Variants in CTNNA2 observed in about 807,000 individuals in gnomAD.
The protein encoded by CTNNA2 is catenin alpha-2.
Under a neutral mutation model 101.0 loss-of-function variants are expected in CTNNA2, and 42 were observed. The observed-to-expected ratio is 0.42, with a 90% CI of 0.32 to 0.54. CTNNA2 has a LOEUF of 0.54. Among genes scored for constraint, CTNNA2 ranks in the 20% least tolerant of loss-of-function variants. The probability of loss-of-function intolerance (pLI) is 0.14; values close to 1 mark genes in which losing one functional copy is unlikely to be tolerated. For synonymous variants in CTNNA2, 450 were observed against 456.4 expected (o/e 0.99, Z 0.18); for missense variants, 871 against 1,223.1 (o/e 0.71, Z 4.29).
chr2:80,074,919 G>A (rs1228271933), intron 7 of CTNNA2, among the ~76,000 whole-genome samples: 1 of 152,148 alleles, frequency 6.6e-6, no homozygotes, highest in Non-Finnish European at 1.5e-5. Flanking sequence ...TTCAAAATCT[G>A]TGCTACTTCT....
At chr2:79,274,189 G>T (rs986864119) in intron 2 of CTNNA2, among the ~76,000 whole-genome samples, 4 of 152,000 alleles carry the variant, frequency 2.6e-5, no homozygotes, top group African/African-American at 9.7e-5. Context: ...AATGGTTTAT[G>T]TTCTCAATCA....
chr2:80,214,268 G>A (rs1402192174), intron 7 of CTNNA2, among the ~76,000 whole-genome samples: 1 of 152,138 alleles, frequency 6.6e-6, no homozygotes, highest in Non-Finnish European at 1.5e-5. Flanking sequence ...ATGTTAGCTG[G>A]TTATTTTGCT....
intron 18 of CTNNA2, among the ~76,000 whole-genome samples, chr2:80,639,559 A>C (rs1013969962): frequency 3.2e-5 from 4 of 126,810 alleles, no homozygotes; most frequent in African/African-American, 1.0e-4. Context: ...TTAACAATAA[A>C]TACAACATAT....
At chr2:79,207,575 T>C (rs2104193358) in intron 2 of CTNNA2, among the ~76,000 whole-genome samples, 1 of 152,282 alleles carries the variant, frequency 6.6e-6, no homozygotes, top group South Asian at 2.1e-4. Flanking sequence ...TAGAATCGAA[T>C]GACACAAAAG....
Position 79,322,886 on chromosome 2 carries a change from T to C in CTNNA2, c.-318+10090T>C, listed in dbSNP as rs548729030. Among the ~76,000 whole-genome samples the C allele has an allele frequency of 4.6e-5, 7 of 152,284 alleles. No homozygotes were observed. In the South Asian group the frequency reaches 1.5e-3, roughly 32 times the overall value. Reference sequence around the variant, plus strand: ...CCTCACCAACCTCAGCTCGCCCATTTCCCTGTGGCTTTCACTAGTGAGGCA... The same window carrying C: ...CCTCACCAACCTCAGCTCGCCCATTCCCCTGTGGCTTTCACTAGTGAGGCA... On this transcript the variant is annotated intron_variant, in intron 3 of 21. Transcript: ENST00000466387.
At chr2:79,464,223 A>G (rs1411282417) in intron 4 of CTNNA2, among the ~76,000 whole-genome samples, 1 of 152,132 alleles carries the variant, frequency 6.6e-6, no homozygotes, top group Non-Finnish European at 1.5e-5. Flanking sequence ...ATGAGTGAGA[A>G]CATGCGGTGT....
At chr2:80,642,070 G>A (rs7582779) in intron 18 of CTNNA2, among the ~76,000 whole-genome samples, 96,032 of 151,794 alleles carry the variant, frequency 0.63, 31,154 homozygotes, top group African/African-American at 0.79. Flanking sequence ...CCTCAAACTC[G>A]GTATGTCCAA....
chr2:80,399,795 G>T (rs1448221294), intron 8 of CTNNA2, among the ~76,000 whole-genome samples: 1 of 152,172 alleles, frequency 6.6e-6, no homozygotes, highest in African/African-American at 2.4e-5. Flanking sequence ...AAGATCCACT[G>T]TAGGATTATG....
intron 2 of CTNNA2, among the ~76,000 whole-genome samples, chr2:79,295,770 T>A (rs1675964004): frequency 6.6e-6 from 1 of 152,212 alleles, no homozygotes; most frequent in South Asian, 2.1e-4. Flanking sequence ...ATTTTACCAG[T>A]TCTTTAGGAC....
intron 4 of CTNNA2, among the ~76,000 whole-genome samples, chr2:79,496,833 C>T (rs1296176243): frequency 6.6e-6 from 1 of 151,968 alleles, no homozygotes; most frequent in Non-Finnish European, 1.5e-5. Flanking sequence ...TTAAACTTAA[C>T]TTTACTGGAG....
At chr2:80,613,942 A>T (rs1001996841) in intron 17 of CTNNA2, among the ~76,000 whole-genome samples, 3 of 151,508 alleles carry the variant, frequency 2.0e-5, no homozygotes, top group African/African-American at 7.3e-5. Context: ...AGTAGCTTTA[A>T]GAAGAGTGTC....
chr2:80,102,323 C>T (rs1700595595), intron 7 of CTNNA2, among the ~76,000 whole-genome samples: 1 of 152,110 alleles, frequency 6.6e-6, no homozygotes, highest in Non-Finnish European at 1.5e-5. Flanking sequence ...GGCCTTGTCC[C>T]ATATGCTGCT....
At chr2:80,530,350 AG>A (rs372752619) in intron 9 of CTNNA2, among the ~76,000 whole-genome samples, 2 of 152,292 alleles carry the variant, frequency 1.3e-5, no homozygotes, top group African/African-American at 4.8e-5. Context: ...GGCCCATAAA[AG>A]GAAGAGTTGT....
intron 1 of CTNNA2, among the ~76,000 whole-genome samples, chr2:79,548,480 A>G (rs1239626110): frequency 6.6e-6 from 1 of 152,138 alleles, no homozygotes; most frequent in African/African-American, 2.4e-5. Context: ...TTAGAAATTG[A>G]TGATTTGATT....
intron 3 of CTNNA2, among the ~76,000 whole-genome samples, chr2:79,327,997 T>C (rs1012456023): frequency 1.5e-4 from 23 of 151,914 alleles, no homozygotes; most frequent in Non-Finnish European, 3.1e-4. Context: ...AAGAAAGGCC[T>C]AAGGAAACCA....
chr2:79,432,146 C>G (rs966463264), intron 4 of CTNNA2, among the ~76,000 whole-genome samples: 1 of 152,104 alleles, frequency 6.6e-6, no homozygotes, highest in African/African-American at 2.4e-5. Flanking sequence ...CTGGTTTGCC[C>G]CCCTCTGGTA....
chr2:80,097,817 A>G (rs1235962130), intron 7 of CTNNA2, among the ~76,000 whole-genome samples: 1 of 152,176 alleles, frequency 6.6e-6, no homozygotes, highest in Non-Finnish European at 1.5e-5. Context: ...AGGCTTATGC[A>G]TTCGTCACGT....
chr2:79,485,527 T>TCAAATGAC (rs1434948569), intron 4 of CTNNA2, among the ~76,000 whole-genome samples: 1 of 152,208 alleles, frequency 6.6e-6, no homozygotes, highest in Non-Finnish European at 1.5e-5. Flanking sequence ...ATTTCATCAT[T>TCAAATGAC]CAAATGACCA....
intron 7 of CTNNA2, among the ~76,000 whole-genome samples, chr2:80,118,677 G>A (rs1330388945): frequency 6.6e-6 from 1 of 152,240 alleles, no homozygotes; most frequent in African/African-American, 2.4e-5. Context: ...AACAAAGGAA[G>A]TAGAAAACAT....
Sources: gnomAD v4.1 joint callset for allele counts (sites outside exome capture counted in the v4.1 genomes callset) on GRCh38, gnomAD v4.1.1 for gene constraint, MANE v1.5 for transcripts, NCBI Gene and HGNC (gene_info 2026-07-23, HGNC 2026-07-21) for gene names.